Variants in THSD4 observed in about 807,000 individuals in gnomAD.
The protein encoded by THSD4 is thrombospondin type 1 domain containing 4, also known as thrombospondin type-1 domain-containing protein 4.
THSD4 carries 69 observed loss-of-function variants against 119.0 expected under a neutral mutation model. The observed-to-expected ratio is 0.58, with a 90% confidence interval of 0.48 to 0.71. The LOEUF is 0.71. THSD4 is among the 30% of genes least tolerant of loss of function. THSD4 has a pLI of 0.00. For synonymous variants in THSD4, 524 were observed against 540.4 expected, an observed-to-expected ratio of 0.97 and a Z score of 0.42; for missense variants, 1,393 against 1,391.1, an observed-to-expected ratio of 1.00 and a Z score of -0.02.
intron 3 of THSD4, among the ~76,000 whole-genome samples, chr15:71,158,443 G>A (rs1326913552): frequency 6.6e-6 from 1 of 152,098 alleles, no homozygotes; most frequent in Non-Finnish European, 1.5e-5. Context: ...GGGAGCCACC[G>A]CGCCTGGCCA....
intron 8 of THSD4, among the ~76,000 whole-genome samples, chr15:71,710,804 CT>C (rs980856681): frequency 2.6e-5 from 4 of 152,008 alleles, no homozygotes; most frequent in African/African-American, 9.7e-5. Context: ...CACACAGACT[CT>C]AGTTCTGTAT....
At chr15:71,623,671 C>G (rs1225315419) in intron 7 of THSD4, among the ~76,000 whole-genome samples, 1 of 152,094 alleles carries the variant, frequency 6.6e-6, no homozygotes, top group Non-Finnish European at 1.5e-5. Context: ...GCCTGTAATC[C>G]CAGCACTTGA....
intron 7 of THSD4, among the ~76,000 whole-genome samples, chr15:71,550,970 C>G (rs1034339914): frequency 6.6e-6 from 1 of 151,990 alleles, no homozygotes; most frequent in African/African-American, 2.4e-5. Context: ...AAATAAATGT[C>G]TTTTGGATCC....
intron 6 of THSD4, among the ~76,000 whole-genome samples, chr15:71,405,549 A>G (rs1023345982): frequency 6.6e-6 from 1 of 152,194 alleles, no homozygotes; most frequent in Non-Finnish European, 1.5e-5. Flanking sequence ...CCATTGATCT[A>G]TGTGTTTAGC....
At chr15:71,422,149 T>C (rs1053483470) in intron 7 of THSD4, among the ~76,000 whole-genome samples, 2 of 152,222 alleles carry the variant, frequency 1.3e-5, no homozygotes, top group African/African-American at 2.4e-5. Flanking sequence ...TCAGGATTGG[T>C]CCCTGATGCC....
chr15:71,709,241 G>A (rs929653592), intron 8 of THSD4, among the ~76,000 whole-genome samples: 1 of 152,220 alleles, frequency 6.6e-6, no homozygotes, highest in African/African-American at 2.4e-5. Flanking sequence ...GGATGTAAGG[G>A]TGAATTGCCT....
At chr15:71,392,473 A>G (rs1234538398) in intron 6 of THSD4, among the ~76,000 whole-genome samples, 1 of 152,238 alleles carries the variant, frequency 6.6e-6, no homozygotes, top group Non-Finnish European at 1.5e-5. Context: ...CTCAGATTCA[A>G]ACCCAGGTAA....
intron 7 of THSD4, among the ~76,000 whole-genome samples, chr15:71,520,884 AG>A (rs1160934155): frequency 1.3e-5 from 2 of 152,204 alleles, no homozygotes; most frequent in Non-Finnish European, 2.9e-5. Flanking sequence ...TATGTTTGCT[AG>A]GTTTGGGGCA....
intron 1 of THSD4, among the ~76,000 whole-genome samples, chr15:71,133,353 C>G (rs1382882919): frequency 1.3e-5 from 2 of 152,160 alleles, no homozygotes; most frequent in Non-Finnish European, 2.9e-5. Context: ...ACAGGCAGCA[C>G]AATCCTGCAT....
intron 7 of THSD4, among the ~76,000 whole-genome samples, chr15:71,414,400 A>T (rs961538109): frequency 6.6e-6 from 1 of 152,228 alleles, no homozygotes; most frequent in Non-Finnish European, 1.5e-5. Context: ...AGTGTGAAAC[A>T]CTGGGGGATT....
At chr15:71,755,249 G>T (rs1228381578) in intron 14 of THSD4, among the ~76,000 whole-genome samples, 1 of 152,218 alleles carries the variant, frequency 6.6e-6, no homozygotes, top group African/African-American at 2.4e-5. Flanking sequence ...TCCAGAGGGA[G>T]TTTCTTCCCT....
At chr15:71,751,441 T>G (rs189673614) in intron 14 of THSD4, among the ~76,000 whole-genome samples, 4 of 152,306 alleles carry the variant, frequency 2.6e-5, no homozygotes, top group Non-Finnish European at 5.9e-5. Flanking sequence ...TTTCTTCTCA[T>G]ACATACTTTA....
intron 7 of THSD4, among the ~76,000 whole-genome samples, chr15:71,575,792 T>G (rs943142802): frequency 6.6e-6 from 1 of 152,138 alleles, no homozygotes; most frequent in Non-Finnish European, 1.5e-5. Flanking sequence ...AAAAGTCTAC[T>G]TTATATGGTG....
chr15:71,738,413 CCTGT>C (rs988359255), intron 11 of THSD4, among the ~76,000 whole-genome samples: 16 of 152,008 alleles, frequency 1.1e-4, no homozygotes, highest in African/African-American at 3.6e-4. Context: ...CCTCTGTGAG[CCTGT>C]CTATGAGATG....
chr15:71,290,218 G>A (rs1285327278), intron 6 of THSD4, among the ~76,000 whole-genome samples: 1 of 152,186 alleles, frequency 6.6e-6, no homozygotes, highest in Non-Finnish European at 1.5e-5. Flanking sequence ...CTTAGGCCTG[G>A]TGCTGGCACA....
chr15:71,599,397 G>A (rs2049966172), intron 7 of THSD4, among the ~76,000 whole-genome samples: 1 of 151,934 alleles, frequency 6.6e-6, no homozygotes, highest in East Asian at 1.9e-4. Context: ...TTTTCACATT[G>A]TCACATACTC....
At chr15:71,683,652 A>G (rs7163774) in intron 8 of THSD4, among the ~76,000 whole-genome samples, 30,221 of 152,048 alleles carry the variant, frequency 0.2, 3,580 homozygotes, top group African/African-American at 0.34. Flanking sequence ...AGATCTATAA[A>G]TTCATTTGGG....
chr15:71,297,372 G>C (rs2044879802), intron 6 of THSD4, among the ~76,000 whole-genome samples: 1 of 145,242 alleles, frequency 6.9e-6, no homozygotes, highest in Non-Finnish European at 1.5e-5. Context: ...ATCTCGCTCT[G>C]TAACCCAGAC....
At chr15:71,658,560 G>A (rs1220924588) in intron 7 of THSD4, among the ~76,000 whole-genome samples, 1 of 152,140 alleles carries the variant, frequency 6.6e-6, no homozygotes. Context: ...GATAACATGG[G>A]TTCTACTATT....
Sources: gnomAD v4.1 joint callset for allele counts (sites outside exome capture counted in the v4.1 genomes callset) on GRCh38, gnomAD v4.1.1 for gene constraint, MANE v1.5 for transcripts, NCBI Gene and HGNC (gene_info 2026-07-23, HGNC 2026-07-21) for gene names.